Variants in BORCS5 observed in about 807,000 individuals in gnomAD.
BORCS5 encodes BLOC-1-related complex subunit 5.
BORCS5 carries 17 observed loss-of-function variants against 22.1 expected under a neutral mutation model. The ratio of observed to expected loss-of-function variants is 0.77; its 90% confidence interval spans 0.53 to 1.15. BORCS5 has a LOEUF of 1.15. BORCS5 is among the 50% of genes most tolerant of loss of function. The pLI, the probability that BORCS5 is intolerant of heterozygous loss-of-function variation, is 0.00. For synonymous variants in BORCS5, 117 were observed against 99.8 expected (o/e 1.17, Z -1.03); for missense variants, 247 against 253.2 (o/e 0.98, Z 0.17).
At chr12:12,393,266 C>T (rs1941245843) in intron 2 of BORCS5, among the ~76,000 whole-genome samples, 1 of 151,884 alleles carries the variant, frequency 6.6e-6, no homozygotes, top group Admixed American at 6.6e-5. Context: ...GGTTTCTGGA[C>T]AATGACTTCT....
chr12:12,357,491 A>G lies in BORCS5; in HGVS notation c.40A>G (p.Asn14Asp), dbSNP rs367573763. Residue 14 changes from asparagine to aspartate, a missense_variant, in exon 1 of 4, where the codon AAC becomes GAC. Transcript: ENST00000314565. ...GAGCTCCGAGGCCGAGAGCCGACCCAACGATCTGAACTCCTCAGGTCGGTG... is the reference window on the plus strand; with the variant it reads ...GAGCTCCGAGGCCGAGAGCCGACCCGACGATCTGAACTCCTCAGGTCGGTG... ...EQSSEAESRP[N>D]DLNSSVTPSP... 1.2e-6 allele frequency: 2 copies of G among 1,611,192 alleles called. No individual in the cohort carries two copies. The highest frequency in any genetic ancestry group is 1.7e-6 in the Non-Finnish European group (2 of 1,177,722).
intron 2 of BORCS5, among the ~76,000 whole-genome samples, chr12:12,378,051 CTT>C (rs1314879923): frequency 8.5e-5 from 13 of 152,128 alleles, no homozygotes; most frequent in African/African-American, 3.1e-4. Flanking sequence ...GATGATTGCT[CTT>C]TGATTTTAAA....
chr12:12,438,590 C>T (rs61913533), intron 3 of BORCS5, among the ~76,000 whole-genome samples: 1 of 151,840 alleles, frequency 6.6e-6, no homozygotes, highest in African/African-American at 2.4e-5. Flanking sequence ...TAAAATTACT[C>T]GGAAGTTTTT....
chr12:12,429,208 A>G (rs1942361215), intron 2 of BORCS5, among the ~76,000 whole-genome samples: 1 of 152,232 alleles, frequency 6.6e-6, no homozygotes, highest in African/African-American at 2.4e-5. Context: ...GACAAAATTT[A>G]CCGTCTCTAA....
chr12:12,454,469 A>G (rs1367729819), intron 3 of BORCS5, among the ~76,000 whole-genome samples: 1 of 152,174 alleles, frequency 6.6e-6, no homozygotes, highest in Admixed American at 6.5e-5. Context: ...GGCCATTTGT[A>G]TATCTTCTTT....
At chr12:12,426,448 G>A (rs948452973) in intron 2 of BORCS5, among the ~76,000 whole-genome samples, 5 of 152,218 alleles carry the variant, frequency 3.3e-5, no homozygotes, top group Admixed American at 3.3e-4. Flanking sequence ...ACTGAGGTGT[G>A]TCGTTTGTGG....
chr12:12,416,598 A>G (rs1941963216), intron 2 of BORCS5, among the ~76,000 whole-genome samples: 1 of 151,646 alleles, frequency 6.6e-6, no homozygotes, highest in East Asian at 1.9e-4. Context: ...ACACACCATT[A>G]TGCCTGGCTA....
intron 2 of BORCS5, among the ~76,000 whole-genome samples, chr12:12,394,797 T>C (rs1197093466): frequency 1.3e-5 from 2 of 152,104 alleles, no homozygotes; most frequent in Non-Finnish European, 2.9e-5. Flanking sequence ...GGAGTGCCTG[T>C]TTCCCATGTG....
chr12:12,445,348 A>C (rs988017737), intron 3 of BORCS5, among the ~76,000 whole-genome samples: 1 of 151,944 alleles, frequency 6.6e-6, no homozygotes, highest in Non-Finnish European at 1.5e-5. Flanking sequence ...CCTATGTTAA[A>C]TATTCTTAAT....
intron 2 of BORCS5, among the ~76,000 whole-genome samples, chr12:12,425,124 A>G (rs1013067060): frequency 1.3e-5 from 2 of 152,142 alleles, no homozygotes; most frequent in African/African-American, 2.4e-5. Context: ...GTCTCCCACA[A>G]ACTGTGTGCA....
rs1249549598 is a variant in BORCS5, at chr12:12,414,735, C to T, written c.203-20893C>T. On this transcript the variant is annotated intron_variant, in intron 2 of 3. Transcript: ENST00000314565. The stretch of plus-strand genomic sequence containing the variant: ...GGATGGGGTGGCTGCCGGGCGGAGA[C>T]GCTCCTCACTTCCCAGACGGGGTGG... 8.3e-5 allele frequency among the ~76,000 whole-genome samples: 11 copies of T among 132,436 alleles called. No individual in the cohort carries two copies. In the South Asian group the frequency reaches 1.4e-3, roughly 17 times the overall value. The allele number at this position is 132,436 out of a possible 152,430, so 86.9% of individuals were successfully genotyped here.
At chr12:12,374,913 G>A (rs537493787) in intron 2 of BORCS5, among the ~76,000 whole-genome samples, 9 of 149,344 alleles carry the variant, frequency 6.0e-5, no homozygotes, top group East Asian at 2.0e-4. Flanking sequence ...CTGAGATTGC[G>A]TCACTGCATC....
Position 12,381,196 on chromosome 12 carries a change from C to T in BORCS5, c.202+19847C>T, listed in dbSNP as rs572271215. Among the ~76,000 whole-genome samples the T allele has an allele frequency of 1.1e-4, 16 of 151,042 alleles. No homozygotes were observed. The South Asian group carries it at 3.4e-3, about 32-fold the overall frequency. ...TGTGTTTTTAGTAGAGACAGGCTTT[C>T]ACCATGTTGGCCAGGCTGGTCTGGA... On this transcript the variant is annotated intron_variant, in intron 2 of 3. Coordinates refer to ENST00000314565, the MANE Select transcript of BORCS5 (RefSeq NM_058169.6).
chr12:12,379,260 A>G (rs990373319), intron 2 of BORCS5, among the ~76,000 whole-genome samples: 1 of 150,736 alleles, frequency 6.6e-6, no homozygotes, highest in African/African-American at 2.4e-5. Context: ...AGCTGGGACT[A>G]CAGGCACGTG....
chr12:12,392,495 C>A (rs1941220409), intron 2 of BORCS5, among the ~76,000 whole-genome samples: 2 of 152,106 alleles, frequency 1.3e-5, no homozygotes, highest in Admixed American at 1.3e-4. Context: ...AGGTTACAGA[C>A]ATAGACTTTT....
At chr12:12,372,926 T>C (rs968920908) in intron 2 of BORCS5, among the ~76,000 whole-genome samples, 6 of 152,206 alleles carry the variant, frequency 3.9e-5, no homozygotes, top group African/African-American at 1.4e-4. Flanking sequence ...CTTTAGTTTC[T>C]GCAAACTTTG....
chr12:12,394,596 T>G (rs1284640212), intron 2 of BORCS5, among the ~76,000 whole-genome samples: 1 of 152,014 alleles, frequency 6.6e-6, no homozygotes, highest in African/African-American at 2.4e-5. Context: ...CTCAAACTCC[T>G]GGGCTCAAGT....
rs1943242466 is a variant in BORCS5 at position 12,468,883 on chromosome 12, C to CTA, written c.*3113_*3114dup. ...CCTCAAAGTTTTATTCTTAGTAACG[C>CTA]TATATATGGTTTTATAGACCACACA... On this transcript the variant is annotated 3_prime_UTR_variant, in exon 4 of 4. Transcript: ENST00000314565. 2 of 152,116 alleles carry CTA rather than the reference C, an allele frequency of 1.3e-5. No homozygotes were observed. Among genetic ancestry groups the CTA allele is most frequent in the South Asian group, 4.1e-4 (2 of 4,830 alleles). 9.4% of individuals were successfully genotyped at this position (152,116 alleles called of 1,614,324 possible).
rs1373540795 is a variant in BORCS5 at position 12,470,182 on chromosome 12, T to A, written c.*4406T>A. Among the ~76,000 whole-genome samples, 1 of 152,208 alleles carries A rather than the reference T, an allele frequency of 6.6e-6. No homozygotes were observed. Among genetic ancestry groups the A allele is most frequent in the African/African-American group, 2.4e-5 (1 of 41,456 alleles). On this transcript the variant is annotated 3_prime_UTR_variant, in exon 4 of 4. Coordinates refer to ENST00000314565, the MANE Select transcript of BORCS5 (RefSeq NM_058169.6). ...GCCTCCCGGGTTCAAGCAGTTATACTGTCTCAGCCTCCCGAGTAGCTGGGA... is the reference window on the plus strand; with the variant it reads ...GCCTCCCGGGTTCAAGCAGTTATACAGTCTCAGCCTCCCGAGTAGCTGGGA...
Sources: allele counts gnomAD v4.1 joint callset (sites outside exome capture counted in the v4.1 genomes callset), GRCh38; gene constraint gnomAD v4.1.1; transcripts MANE v1.5; gene names NCBI Gene and HGNC (gene_info 2026-07-23, HGNC 2026-07-21).